Variants in SMCO2 observed in about 807,000 individuals in gnomAD.
SMCO2 encodes the protein single-pass membrane protein with coiled-coil domains 2, also known as single-pass membrane and coiled-coil domain-containing protein 2.
Under a neutral mutation model 29.5 loss-of-function variants are expected in SMCO2, and 25 were observed. The observed-to-expected ratio is 0.85, with a 90% CI of 0.62 to 1.18. The LOEUF (loss-of-function observed/expected upper bound fraction) is 1.18, where lower values mean the gene tolerates loss of function less well. SMCO2 is among the 50% of genes most tolerant of loss of function. The pLI is 0.00. For synonymous variants in SMCO2, 117 were observed against 123.3 expected, an observed-to-expected ratio of 0.95 and a Z score of 0.34; for missense variants, 348 against 344.5, an observed-to-expected ratio of 1.01 and a Z score of -0.08.
At chr12:27,473,483 T>C (rs138453390) in intron 3 of SMCO2, among the ~76,000 whole-genome samples, 21 of 152,198 alleles carry the variant, frequency 1.4e-4, no homozygotes, top group Middle Eastern at 3.2e-3. Flanking sequence ...ATTCTTAGTT[T>C]CATCTGCAAA....
Position 27,475,379 on chromosome 12 carries a change from A to G in SMCO2, c.362+466A>G, listed in dbSNP as rs148467065. On this transcript the variant is annotated intron_variant, in intron 4 of 7. Transcript: ENST00000298876. ...TTAAACATAAAATATGCTTTGTTTT[A>G]TAGAGTCTTTAAAGATCTGCTAAAG... 1.9e-3 allele frequency among the ~76,000 whole-genome samples: 296 copies of G among 152,320 alleles called. 2 individuals carry two copies. Among genetic ancestry groups the G allele is most frequent in the African/African-American group, 6.8e-3 (283 of 41,578 alleles).
chr12:27,491,946 G>A lies in SMCO2; in HGVS notation c.451-2354G>A, dbSNP rs374051070. 2.0e-5 allele frequency among the ~76,000 whole-genome samples: 3 copies of A among 152,036 alleles called. No individual in the cohort carries two copies. In the East Asian group the frequency reaches 5.8e-4, roughly 29 times the overall value. ...GCTGGTCTTGAACTCCCGACCTCAA[G>A]CGATTCTCCCACCTCAGCCTCCCAA... is the stretch of plus-strand genomic sequence containing the variant. On this transcript the variant is annotated intron_variant, in intron 5 of 7. Coordinates refer to ENST00000298876, the Ensembl canonical transcript of SMCO2.
Position 27,494,485 on chromosome 12 carries a change from A to ATT in SMCO2, c.507+129_507+130insTT, listed in dbSNP as rs1942972071. 6.4e-5 allele frequency: 13 copies of ATT among 201,804 alleles called. No individual in the cohort carries two copies. In the Admixed American group the frequency reaches 7.4e-4, roughly 11 times the overall value. 12.5% of individuals were successfully genotyped at this position (201,804 alleles called of 1,614,324 possible). A position where few individuals can be genotyped will look rare whatever the true frequency, so the allele number is the denominator to read the frequency against. On this transcript the variant is annotated intron_variant, in intron 6 of 7. Coordinates refer to ENST00000298876, the Ensembl canonical transcript of SMCO2. ...AGTCTCTTTCTTTTTTATTTAATTT[A>ATT]ATTTATTATTATTATTATTATTATT...
chr12:27,424,249 A>C, the SMCO2 span: 7 of 152,232 alleles, frequency 4.6e-5, no homozygotes, highest in African/African-American at 1.7e-4. Flanking sequence ...ATTTTTCCTT[A>C]AATACCATGT....
At chr12:27,493,108 A>G (rs1001479823) in intron 5 of SMCO2, among the ~76,000 whole-genome samples, 2 of 152,178 alleles carry the variant, frequency 1.3e-5, no homozygotes, top group Non-Finnish European at 1.5e-5. Context: ...ACATTTTCTC[A>G]TTTATAAGTG....
At chr12:27,454,095 C>T in the SMCO2 span, among the ~76,000 whole-genome samples, 1 of 152,136 alleles carries the variant, frequency 6.6e-6, no homozygotes, top group Admixed American at 6.5e-5. Flanking sequence ...AGTGATCCTC[C>T]CACCTCAGCT....
the SMCO2 span, among the ~76,000 whole-genome samples, chr12:27,433,962 G>T: frequency 6.6e-6 from 1 of 152,308 alleles, no homozygotes; most frequent in East Asian, 1.9e-4. Flanking sequence ...CTGGAGTGCG[G>T]TGGTGCCATC....
At chr12:27,470,890 T>C in intron 2 of SMCO2, 125 bp downstream of exon 2, 1 of 1,099,170 alleles carries the variant, frequency 9.1e-7, no homozygotes, top group East Asian at 2.6e-5. Flanking sequence ...TTCACTATAA[T>C]TTATCTAATT....
the SMCO2 span, among the ~76,000 whole-genome samples, chr12:27,440,012 A>C: frequency 6.6e-6 from 1 of 152,204 alleles, no homozygotes; most frequent in Non-Finnish European, 1.5e-5. Flanking sequence ...AACACCGAAC[A>C]GATTCAACCC....
At chr12:27,429,325 T>C in the SMCO2 span, among the ~76,000 whole-genome samples, 1 of 152,090 alleles carries the variant, frequency 6.6e-6, no homozygotes, top group Admixed American at 6.5e-5. Flanking sequence ...AGTCAACACT[T>C]GAGTAGTCTT....
At chr12:27,444,166 G>C in the SMCO2 span, among the ~76,000 whole-genome samples, 1 of 152,166 alleles carries the variant, frequency 6.6e-6, no homozygotes, top group African/African-American at 2.4e-5. Context: ...CAATGGAACA[G>C]AATAGAGAAC....
chr12:27,432,898 C>A, the SMCO2 span, among the ~76,000 whole-genome samples: 1 of 152,186 alleles, frequency 6.6e-6, no homozygotes, highest in African/African-American at 2.4e-5. Context: ...GATTAATCCT[C>A]ATTTTTTATA....
the SMCO2 span, among the ~76,000 whole-genome samples, chr12:27,435,834 G>A: frequency 5.3e-5 from 8 of 152,172 alleles, no homozygotes; most frequent in Non-Finnish European, 1.2e-4. Context: ...ATGAGCCTCA[G>A]TGAGGCAGCG....
chr12:27,425,135 A>G, the SMCO2 span: 1 of 152,104 alleles, frequency 6.6e-6, no homozygotes, highest in Non-Finnish European at 1.5e-5. Context: ...TTTGTCTTTT[A>G]TACAATTTTT....
the SMCO2 span, chr12:27,425,342 G>A: frequency 4.6e-5 from 7 of 151,766 alleles, no homozygotes; most frequent in Non-Finnish European, 8.8e-5. Context: ...ACCATCCAGT[G>A]CCCTCAAACC....
At chr12:27,436,438 A>G in the SMCO2 span, among the ~76,000 whole-genome samples, 1 of 152,218 alleles carries the variant, frequency 6.6e-6, no homozygotes, top group Non-Finnish European at 1.5e-5. Context: ...TTGTCCTGCC[A>G]GAATGCAGCC....
At chr12:27,459,979 T>C in the SMCO2 span, among the ~76,000 whole-genome samples, 1 of 152,232 alleles carries the variant, frequency 6.6e-6, no homozygotes, top group Non-Finnish European at 1.5e-5. Context: ...GGAGAATACA[T>C]ATTGGGAAAT....
At chr12:27,497,633 G>A (rs1043460939) in intron 7 of SMCO2, 2 of 153,192 alleles carry the variant, frequency 1.3e-5, no homozygotes, top group African/African-American at 5.1e-5. Context: ...GGGAGGCTGA[G>A]GTGGGACTAT....
the SMCO2 span, among the ~76,000 whole-genome samples, chr12:27,444,196 T>C: frequency 0.65 from 98,918 of 152,024 alleles, 33,087 homozygotes; most frequent in Middle Eastern, 0.83. Context: ...AATCCACGCA[T>C]TTACAACCAA....
Sources: allele counts gnomAD v4.1 joint callset (sites outside exome capture counted in the v4.1 genomes callset), GRCh38; gene constraint gnomAD v4.1.1; transcripts MANE v1.5; gene names NCBI Gene and HGNC (gene_info 2026-07-23, HGNC 2026-07-21).